Variants in STX8 observed in about 807,000 individuals in gnomAD.
STX8 encodes the protein syntaxin-8.
Under a neutral mutation model 37.5 loss-of-function variants are expected in STX8, and 23 were observed. The ratio of observed to expected loss-of-function variants is 0.61; its 90% CI spans 0.44 to 0.87. STX8 has a LOEUF of 0.87. Among genes scored for constraint, STX8 ranks in the 40% least tolerant of loss-of-function variants. The pLI is 0.00. For synonymous variants in STX8, 115 were observed against 99.1 expected (o/e 1.16, Z -0.95); for missense variants, 313 against 284.7 (o/e 1.10, Z -0.71).
At chr17:9,414,940 G>A (rs1456024712) in intron 6 of STX8, among the ~76,000 whole-genome samples, 8 of 151,848 alleles carry the variant, frequency 5.3e-5, no homozygotes, top group Admixed American at 1.3e-4. Context: ...ACAGGCACCC[G>A]CCACCATGCC....
chr17:9,544,128 T>A (rs1029343854), intron 4 of STX8, among the ~76,000 whole-genome samples: 5 of 152,106 alleles, frequency 3.3e-5, no homozygotes, highest in Non-Finnish European at 7.4e-5. Flanking sequence ...AGCCACACTA[T>A]TCCTAACTGG....
At chr17:9,316,140 T>G (rs1909375217) in intron 7 of STX8, among the ~76,000 whole-genome samples, 2 of 152,184 alleles carry the variant, frequency 1.3e-5, no homozygotes, top group Non-Finnish European at 2.9e-5. Context: ...ATGACTTGTC[T>G]AAGTTCAGAT....
intron 7 of STX8, among the ~76,000 whole-genome samples, chr17:9,253,205 GGGGTGTGT>G (rs1906653519): frequency 1.7e-5 from 1 of 58,178 alleles, no homozygotes; most frequent in African/African-American, 5.3e-5. Context: ...GGCAGGGGTA[GGGGTGTGT>G]GTGTGTGTGT....
At chr17:9,394,054 A>G (rs1278444281) in intron 6 of STX8, among the ~76,000 whole-genome samples, 1 of 152,248 alleles carries the variant, frequency 6.6e-6, no homozygotes, top group Non-Finnish European at 1.5e-5. Context: ...CACAGTATGT[A>G]AAGAACAAGA....
At chr17:9,510,672 A>C (rs1904995100) in intron 4 of STX8, among the ~76,000 whole-genome samples, 1 of 152,124 alleles carries the variant, frequency 6.6e-6, no homozygotes, top group Non-Finnish European at 1.5e-5. Flanking sequence ...AAAAACTAGA[A>C]AGATTTCAAA....
intron 7 of STX8, among the ~76,000 whole-genome samples, chr17:9,363,752 C>G (rs1440434773): frequency 1.3e-5 from 2 of 151,900 alleles, no homozygotes; most frequent in African/African-American, 4.8e-5. Flanking sequence ...AAACAATAAT[C>G]AAAAAAAGAT....
intron 6 of STX8, among the ~76,000 whole-genome samples, chr17:9,462,391 T>C (rs1905426209): frequency 6.6e-6 from 1 of 151,986 alleles, no homozygotes; most frequent in South Asian, 2.1e-4. Flanking sequence ...GAGAAGAAAA[T>C]CTCATTTCAA....
chr17:9,456,467 T>C (rs898300226), intron 6 of STX8, among the ~76,000 whole-genome samples: 4 of 152,214 alleles, frequency 2.6e-5, no homozygotes, highest in Non-Finnish European at 5.9e-5. Context: ...TGTCCGGTGA[T>C]AACCACTTTC....
chr17:9,570,185 A>G (rs1263783759), intron 1 of STX8, among the ~76,000 whole-genome samples: 1 of 152,084 alleles, frequency 6.6e-6, no homozygotes, highest in Non-Finnish European at 1.5e-5. Flanking sequence ...TCATTTGAAC[A>G]CTGAGGGAAC....
intron 7 of STX8, among the ~76,000 whole-genome samples, chr17:9,349,222 C>A (rs1457184846): frequency 6.6e-6 from 1 of 151,912 alleles, no homozygotes; most frequent in Non-Finnish European, 1.5e-5. Flanking sequence ...AAACTCCTGA[C>A]CTTGGGTGAT....
At chr17:9,560,351 T>C (rs1170130645) in intron 2 of STX8, among the ~76,000 whole-genome samples, 1 of 132,060 alleles carries the variant, frequency 7.6e-6, no homozygotes, top group Non-Finnish European at 1.5e-5. Context: ...TGAGCAAAGA[T>C]GATGCCACTG....
intron 6 of STX8, among the ~76,000 whole-genome samples, chr17:9,418,645 G>A (rs1394081848): frequency 6.6e-6 from 1 of 151,224 alleles, no homozygotes; most frequent in East Asian, 2.0e-4. Context: ...TGGCTAACAC[G>A]TGAAACCCCG....
intron 7 of STX8, among the ~76,000 whole-genome samples, chr17:9,294,912 C>G (rs529676583): frequency 5.4e-4 from 83 of 152,310 alleles, no homozygotes; most frequent in Non-Finnish European, 8.1e-4. Context: ...TGAGCATGCA[C>G]AGAGGAAAGG....
intron 7 of STX8, among the ~76,000 whole-genome samples, chr17:9,335,832 G>C (rs201961717): frequency 6.8e-6 from 1 of 147,724 alleles, no homozygotes; most frequent in African/African-American, 2.5e-5. Context: ...CACACACGTA[G>C]ACACACACAC....
chr17:9,306,506 T>G (rs1908991643), intron 7 of STX8, among the ~76,000 whole-genome samples: 2 of 151,538 alleles, frequency 1.3e-5, no homozygotes, highest in Non-Finnish European at 1.5e-5. Flanking sequence ...TCCCAGCACT[T>G]TGGGAGACTG....
rs1244919629 is a variant in STX8 at position 9,488,819 on chromosome 17, A to AGTGTGTGTGT, written c.541+3009_541+3010insACACACACAC. Among the ~76,000 whole-genome samples, 919 of 92,486 alleles carry AGTGTGTGTGT rather than the reference A, an allele frequency of 9.9e-3. 7 individuals are homozygous for AGTGTGTGTGT. Among genetic ancestry groups the AGTGTGTGTGT allele is most frequent in the East Asian group, 0.019 (83 of 4,422 alleles). 60.7% of individuals were successfully genotyped at this position (92,486 alleles called of 152,430 possible). A position where few individuals can be genotyped will look rare whatever the true frequency, so the allele number is the denominator to read the frequency against. On this transcript the variant is annotated intron_variant, in intron 6 of 7. Transcript: ENST00000306357. ...GAGAGAAAGAGAGAGAGAGAGAGAG[A>AGTGTGTGTGT]GAGTGTGTGTGTGTGTGTGTGTGTG...
intron 4 of STX8, among the ~76,000 whole-genome samples, chr17:9,537,537 C>G (rs1906107178): frequency 6.6e-6 from 1 of 150,498 alleles, no homozygotes; most frequent in African/African-American, 2.5e-5. Flanking sequence ...AAAAGTGTGA[C>G]ATTCGCAGGT....
chr17:9,492,490 C>G (rs956364066), intron 5 of STX8, among the ~76,000 whole-genome samples: 16 of 152,138 alleles, frequency 1.1e-4, no homozygotes, highest in African/African-American at 3.9e-4. Flanking sequence ...AGACTGTGCC[C>G]ACCTTTTTAC....
At chr17:9,456,519 G>T (rs1208125076) in intron 6 of STX8, among the ~76,000 whole-genome samples, 1 of 152,180 alleles carries the variant, frequency 6.6e-6, no homozygotes, top group African/African-American at 2.4e-5. Flanking sequence ...TACCAGGGCT[G>T]TTCCCACTCT....
Sources: allele counts gnomAD v4.1 joint callset (sites outside exome capture counted in the v4.1 genomes callset), GRCh38; gene constraint gnomAD v4.1.1; transcripts MANE v1.5; gene names NCBI Gene and HGNC (gene_info 2026-07-23, HGNC 2026-07-21).